Variants in DDA1 observed in about 807,000 individuals in gnomAD.
DDA1 encodes DET1 and DDB1 associated 1, also known as DET1- and DDB1-associated protein 1.
A neutral mutation model predicts 18.6 loss-of-function variants in DDA1; 3 were observed. The ratio of observed to expected loss-of-function variants is 0.16; its 90% confidence interval spans 0.07 to 0.42. The LOEUF is 0.42. Among genes scored for constraint, DDA1 ranks in the 10% least tolerant of loss-of-function variants. The pLI is 0.99. For synonymous variants in DDA1, 52 were observed against 54.0 expected, an observed-to-expected ratio of 0.96 and a Z score of 0.17; for missense variants, 105 against 138.2, an observed-to-expected ratio of 0.76 and a Z score of 1.20.
chr19:17,309,737 C>T (rs2074169661), intron 1 of DDA1, 80 bp downstream of exon 1: 2 of 1,538,622 alleles, frequency 1.3e-6, no homozygotes, highest in Non-Finnish European at 8.8e-7. Flanking sequence ...TAGTATCCCC[C>T]TAGGCCCCTC....
chr19:17,311,857 T>G (rs1389907869), intron 1 of DDA1, among the ~76,000 whole-genome samples: 2 of 152,128 alleles, frequency 1.3e-5, no homozygotes, highest in African/African-American at 4.8e-5. Context: ...CTGAGGCACC[T>G]GTGAGGGCCC....
chr19:17,311,449 C>T (rs532282579), intron 1 of DDA1, among the ~76,000 whole-genome samples: 1 of 152,296 alleles, frequency 6.6e-6, no homozygotes, highest in South Asian at 2.1e-4. Flanking sequence ...GCCACTGCGC[C>T]CGGCCAGAAG....
At chr19:17,315,722 A>G in intron 3 of DDA1, 1 of 639,218 alleles carries the variant, frequency 1.6e-6, no homozygotes, top group Non-Finnish European at 2.8e-6. Flanking sequence ...CAAGGGTGGA[A>G]TCCCTTGCAG....
At chr19:17,316,032 T>C (rs1355093475) in intron 4 of DDA1, 37 bp downstream of exon 4, 1 of 1,609,376 alleles carries the variant, frequency 6.2e-7, no homozygotes, top group Admixed American at 1.7e-5. Flanking sequence ...GGATTGTGGG[T>C]GGACAGAGAC....
At chr19:17,309,719 C>T (rs2074169463) in intron 1 of DDA1, 62 bp downstream of exon 1, 1 of 1,590,800 alleles carries the variant, frequency 6.3e-7, no homozygotes, top group Non-Finnish European at 8.6e-7. Flanking sequence ...TGTGGTCCCA[C>T]CCACCTCTAG....
At chr19:17,318,222 T>C (rs2074223056) in intron 4 of DDA1, among the ~76,000 whole-genome samples, 1 of 127,204 alleles carries the variant, frequency 7.9e-6, no homozygotes, top group African/African-American at 2.7e-5. Context: ...CCAGCTAATT[T>C]ATTTTATTTT....
chr19:17,318,979 C>A (rs1181597022), intron 4 of DDA1, among the ~76,000 whole-genome samples: 1 of 152,148 alleles, frequency 6.6e-6, no homozygotes, highest in Non-Finnish European at 1.5e-5. Context: ...TCCTGCCCCC[C>A]AGGACTTGGT....
At chr19:17,315,092 TATATATACACAC>T (rs1356748956) in intron 3 of DDA1, among the ~76,000 whole-genome samples, 1 of 130,696 alleles carries the variant, frequency 7.7e-6, no homozygotes, top group Non-Finnish European at 1.6e-5. Context: ...TATATATACG[TATATATACACAC>T]ATATATATAC....
chr19:17,315,409 C>CGTGT (rs781595425), intron 3 of DDA1, among the ~76,000 whole-genome samples: 1,152 of 43,374 alleles, frequency 0.027, 16 homozygotes, highest in Middle Eastern at 0.037. Flanking sequence ...TATATACATA[C>CGTGT]GTGTGTGTGT....
chr19:17,320,506 G>A lies in DDA1; in HGVS notation c.*850G>A, dbSNP rs1403970812. 6.6e-6 allele frequency: 1 copy of A among 152,390 alleles called. No homozygotes were observed. Among genetic ancestry groups the A allele is most frequent in the Non-Finnish European group, 1.5e-5 (1 of 68,160 alleles). 9.4% of individuals were successfully genotyped at this position (152,390 alleles called of 1,614,324 possible). A position where few individuals can be genotyped will look rare whatever the true frequency, so the allele number is the denominator to read the frequency against. On this transcript the variant is annotated 3_prime_UTR_variant, in exon 5 of 5. Transcript: ENST00000359866. ...CCTCTCCTGTCAAGGTGACCCCAAG[G>A]ACAGGTCATTCCTGAGAGACGGTCC...
rs2061055617 is a variant in DDA1, at chr19:17,319,716, C to A, written c.*60C>A. On this transcript the variant is annotated 3_prime_UTR_variant, in exon 5 of 5. Coordinates refer to ENST00000359866, the MANE Select transcript of DDA1 (RefSeq NM_024050.6). The stretch of plus-strand genomic sequence containing the variant: ...TGCTCCTCGGTCGCCCACCCGCCTG[C>A]CCGCCATGTGTAAGCACCCCGCCCG... The A allele has an allele frequency of 2.0e-6, 3 of 1,488,938 alleles. No homozygotes were observed. Among genetic ancestry groups the A allele is most frequent in the South Asian group, 2.4e-5 (2 of 81,774 alleles). The allele number at this position is 1,488,938 out of a possible 1,614,324, so 92.2% of individuals were successfully genotyped here.
At chr19:17,315,086 T>C (rs1327429513) in intron 3 of DDA1, among the ~76,000 whole-genome samples, 2 of 101,204 alleles carry the variant, frequency 2.0e-5, no homozygotes, top group Non-Finnish European at 2.3e-5. Flanking sequence ...AAACCATATA[T>C]ATACGTATAT....
intron 1 of DDA1, among the ~76,000 whole-genome samples, chr19:17,312,761 C>T (rs2074185114): frequency 6.6e-6 from 1 of 152,182 alleles, no homozygotes; most frequent in African/African-American, 2.4e-5. Flanking sequence ...TGCCCTGGTG[C>T]CTGCTAGGGC....
chr19:17,318,258 G>A (rs1048699779), intron 4 of DDA1, among the ~76,000 whole-genome samples: 2 of 151,710 alleles, frequency 1.3e-5, no homozygotes, highest in Non-Finnish European at 2.9e-5. Flanking sequence ...TGAGATGGAG[G>A]TTTGCTCTTG....
In DDA1 at chr19:17,321,563, A is replaced by G. The variant is rs1030856094; in HGVS notation, c.*1907A>G. ...AGACGTGAACCACCGTGCCTGGCAGAGGTCTCTGTTTTGAGAGCTGAGTCT... is the reference window on the plus strand; with the variant it reads ...AGACGTGAACCACCGTGCCTGGCAGGGGTCTCTGTTTTGAGAGCTGAGTCT... On this transcript the variant is annotated 3_prime_UTR_variant, in exon 5 of 5. Transcript: ENST00000359866. The G allele has an allele frequency of 6.6e-6, 1 of 152,498 alleles. No individual in the cohort carries two copies. Among genetic ancestry groups the G allele is most frequent in the Non-Finnish European group, 1.5e-5 (1 of 68,290 alleles). 9.4% of individuals were successfully genotyped at this position (152,498 alleles called of 1,614,324 possible).
chr19:17,314,503 T>C lies in DDA1; in HGVS notation c.136+114T>C. The C allele has an allele frequency of 4.2e-6, 6 of 1,414,396 alleles. No homozygotes were observed. Among genetic ancestry groups the C allele is most frequent in the Non-Finnish European group, 5.9e-6 (6 of 1,011,920 alleles). 87.6% of individuals were successfully genotyped at this position (1,414,396 alleles called of 1,614,324 possible). A position where few individuals can be genotyped will look rare whatever the true frequency, so the allele number is the denominator to read the frequency against. On this transcript the variant is annotated intron_variant, in intron 3 of 4. Coordinates refer to ENST00000359866, the MANE Select transcript of DDA1 (RefSeq NM_024050.6). The surrounding 1 kb of genome is among the most constrained non-coding windows in gnomAD (Gnocchi z 4.6). ...CCCCGGCCCAGGCCATAGACTTGGC[T>C]TGGGTTCACACGCTGTCTACTGAAT...
Position 17,322,899 on chromosome 19 carries a change from A to C in DDA1, c.*3243A>C, listed in dbSNP as rs1226881571. The C allele has an allele frequency of 1.3e-5, 2 of 152,374 alleles. No homozygotes were observed. Among genetic ancestry groups the C allele is most frequent in the East Asian group, 3.9e-4 (2 of 5,186 alleles). 9.4% of individuals were successfully genotyped at this position (152,374 alleles called of 1,614,324 possible). A position where few individuals can be genotyped will look rare whatever the true frequency, so the allele number is the denominator to read the frequency against. ...TGTGCCAGAAGGGGCCACGTCTTGCAAACCACCGCGCTGTCCTCTTTGAGA... is the reference window on the plus strand; with the variant it reads ...TGTGCCAGAAGGGGCCACGTCTTGCCAACCACCGCGCTGTCCTCTTTGAGA... On this transcript the variant is annotated 3_prime_UTR_variant, in exon 5 of 5. Transcript: ENST00000359866.
chr19:17,314,772 C>T lies in DDA1; in HGVS notation c.136+383C>T, dbSNP rs935977241. 40 of 268,894 alleles carry T rather than the reference C, an allele frequency of 1.5e-4. No homozygotes were observed. The South Asian group carries it at 1.5e-3, about 10-fold the overall frequency. The allele number at this position is 268,894 out of a possible 1,614,324, so 16.7% of individuals were successfully genotyped here. On this transcript the variant is annotated intron_variant, in intron 3 of 4. Transcript: ENST00000359866. The surrounding 1 kb of genome is among the most constrained non-coding windows in gnomAD (Gnocchi z 4.6). ...CCCCTCCCTGTCAGATGAGGTCAAG[C>T]GAGAACTCTGGTTCTAAGACAAGTG...
At chr19:17,311,462 G>A (rs1742503351) in intron 1 of DDA1, among the ~76,000 whole-genome samples, 1 of 152,126 alleles carries the variant, frequency 6.6e-6, no homozygotes, top group Admixed American at 6.6e-5. Context: ...GCCAGAAGGA[G>A]CTTTTAAAGA....
Sources: gnomAD v4.1 joint callset for allele counts (sites outside exome capture counted in the v4.1 genomes callset) on GRCh38, gnomAD v4.1.1 for gene constraint, Gnocchi (gnomAD v3.1) non-coding constraint, MANE v1.5 for transcripts, NCBI Gene and HGNC (gene_info 2026-07-23, HGNC 2026-07-21) for gene names.